Variants in BRINP3 observed in about 807,000 individuals in gnomAD.
The protein encoded by BRINP3 is BMP/retinoic acid-inducible neural-specific protein 3.
In BRINP3, 19 loss-of-function variants were observed where a neutral mutation model predicts 71.0. The observed-to-expected ratio is 0.27, with a 90% CI of 0.19 to 0.39. The LOEUF is 0.39. BRINP3 is among the 10% of genes least tolerant of loss of function. The probability of loss-of-function intolerance (pLI) is 1.00; values close to 1 mark genes in which losing one functional copy is unlikely to be tolerated. For synonymous variants in BRINP3, 380 were observed against 337.7 expected, an observed-to-expected ratio of 1.13 and a Z score of -1.37; for missense variants, 959 against 940.8, an observed-to-expected ratio of 1.02 and a Z score of -0.25.
At chr1:190,324,007 C>A (rs1666421129) in intron 2 of BRINP3, among the ~76,000 whole-genome samples, 1 of 151,846 alleles carries the variant, frequency 6.6e-6, no homozygotes, top group South Asian at 2.1e-4. Flanking sequence ...AGAAAAATAT[C>A]AATGACTGCT....
chr1:190,226,628 CCTAT>C (rs949229446), intron 5 of BRINP3, among the ~76,000 whole-genome samples: 5 of 151,830 alleles, frequency 3.3e-5, no homozygotes, highest in Non-Finnish European at 7.4e-5. Context: ...ATAGATGGAG[CCTAT>C]CTTTCTAAAC....
chr1:190,438,870 A>G (rs1234804312), intron 2 of BRINP3, among the ~76,000 whole-genome samples: 1 of 151,894 alleles, frequency 6.6e-6, no homozygotes, highest in Non-Finnish European at 1.5e-5. Context: ...ATAGGTTAAT[A>G]TCACCTCTAT....
At chr1:190,238,949 CT>C (rs1658792673) in intron 4 of BRINP3, among the ~76,000 whole-genome samples, 1 of 152,134 alleles carries the variant, frequency 6.6e-6, no homozygotes, top group South Asian at 2.1e-4. Flanking sequence ...GTTTAATCGA[CT>C]TGCAGTTCCA....
intron 2 of BRINP3, among the ~76,000 whole-genome samples, chr1:190,452,653 G>T (rs1675692685): frequency 6.6e-6 from 1 of 152,112 alleles, no homozygotes; most frequent in Admixed American, 6.5e-5. Context: ...GAAGTCAGAA[G>T]TTCAAAACCA....
intron 2 of BRINP3, among the ~76,000 whole-genome samples, chr1:190,286,100 A>T (rs1663405768): frequency 6.6e-6 from 1 of 152,148 alleles, no homozygotes; most frequent in African/African-American, 2.4e-5. Context: ...GGCTGTAACC[A>T]GTTTAACCAG....
chr1:190,280,503 G>C (rs1021083697), intron 3 of BRINP3, among the ~76,000 whole-genome samples: 4 of 151,816 alleles, frequency 2.6e-5, no homozygotes, highest in African/African-American at 9.7e-5. Context: ...AGATGCTGGA[G>C]AGCAGGTGAG....
Position 190,418,534 on chromosome 1 carries a change from G to A in BRINP3, c.236+36121C>T, listed in dbSNP as rs931905475. On this transcript the variant is annotated intron_variant, in intron 2 of 7. Transcript: ENST00000367462. ...CTCATTACACGTATCTGAACACATCGTAGATATTCTACTCTGATCATGATA... is the reference window on the plus strand; with the variant it reads ...CTCATTACACGTATCTGAACACATCATAGATATTCTACTCTGATCATGATA... Among the ~76,000 whole-genome samples, 7 of 151,948 alleles carry A rather than the reference G, an allele frequency of 4.6e-5. No individual in the cohort carries two copies. In the East Asian group the frequency reaches 1.2e-3, roughly 25 times the overall value.
chr1:190,331,262 C>T (rs763233621), intron 2 of BRINP3, among the ~76,000 whole-genome samples: 40 of 151,850 alleles, frequency 2.6e-4, no homozygotes, highest in Non-Finnish European at 5.9e-5. Context: ...TATATAACAT[C>T]AGAAAAAATA....
intron 2 of BRINP3, among the ~76,000 whole-genome samples, chr1:190,369,300 A>G (rs1669707761): frequency 6.6e-6 from 1 of 152,140 alleles, no homozygotes; most frequent in Non-Finnish European, 1.5e-5. Flanking sequence ...TATTATTCTC[A>G]TGATTAAAGT....
At chr1:190,396,089 C>A (rs1671548738) in intron 2 of BRINP3, among the ~76,000 whole-genome samples, 1 of 151,820 alleles carries the variant, frequency 6.6e-6, no homozygotes, top group African/African-American at 2.4e-5. Flanking sequence ...TTATGTCATC[C>A]TCCTAACAAA....
At chr1:190,130,346 C>A (rs919113927) in intron 7 of BRINP3, among the ~76,000 whole-genome samples, 13 of 152,042 alleles carry the variant, frequency 8.6e-5, no homozygotes, top group Non-Finnish European at 1.9e-4. Context: ...CAATTTAAGT[C>A]TTTTATCAAA....
chr1:190,123,270 C>T (rs1300672061), intron 7 of BRINP3, among the ~76,000 whole-genome samples: 1 of 152,142 alleles, frequency 6.6e-6, no homozygotes, highest in Non-Finnish European at 1.5e-5. Context: ...GGACCACTTA[C>T]ATAACCCTGT....
intron 3 of BRINP3, among the ~76,000 whole-genome samples, chr1:190,266,415 G>T (rs540691943): frequency 3.8e-4 from 58 of 152,154 alleles, no homozygotes; most frequent in Admixed American, 1.0e-3. Context: ...CACATTTCTT[G>T]TTGGTATTTG....
chr1:190,400,800 T>C lies in BRINP3; in HGVS notation c.236+53855A>G, dbSNP rs549205767. Among the ~76,000 whole-genome samples the C allele has an allele frequency of 4.6e-5, 7 of 152,310 alleles. No homozygotes were observed. In the East Asian group the frequency reaches 1.3e-3, roughly 29 times the overall value. ...ACTGACTAGTATAAACCAGTGAAGG[T>C]AATCTTAATTCCCTTGTGGTGACAT... On this transcript the variant is annotated intron_variant, in intron 2 of 7. Transcript: ENST00000367462.
chr1:190,356,890 T>A (rs930921525), intron 2 of BRINP3, among the ~76,000 whole-genome samples: 2 of 151,988 alleles, frequency 1.3e-5, no homozygotes, highest in African/African-American at 4.8e-5. Flanking sequence ...TGTGGTTGAC[T>A]TCAGTAATTT....
chr1:190,439,695 G>C (rs2102550314), intron 2 of BRINP3, among the ~76,000 whole-genome samples: 1 of 152,010 alleles, frequency 6.6e-6, no homozygotes, highest in South Asian at 2.1e-4. Flanking sequence ...CCAAGGAAGA[G>C]AATGCAATGT....
chr1:190,178,848 A>G (rs1288014454), intron 6 of BRINP3, among the ~76,000 whole-genome samples: 1 of 152,140 alleles, frequency 6.6e-6, no homozygotes, highest in East Asian at 1.9e-4. Flanking sequence ...AAATTGAAGA[A>G]CTATAAGGGA....
intron 7 of BRINP3, among the ~76,000 whole-genome samples, chr1:190,147,244 T>A (rs1417330770): frequency 6.6e-6 from 1 of 152,148 alleles, no homozygotes; most frequent in Non-Finnish European, 1.5e-5. Context: ...ATTTTCTAAT[T>A]TTCAAATTAT....
intron 6 of BRINP3, among the ~76,000 whole-genome samples, chr1:190,222,467 T>C (rs892350441): frequency 6.6e-6 from 1 of 151,796 alleles, no homozygotes; most frequent in African/African-American, 2.4e-5. Context: ...AGACTTCAAA[T>C]AACCTAACAA....
Sources: allele counts gnomAD v4.1 joint callset (sites outside exome capture counted in the v4.1 genomes callset), GRCh38; gene constraint gnomAD v4.1.1; transcripts MANE v1.5; gene names NCBI Gene and HGNC (gene_info 2026-07-23, HGNC 2026-07-21).